Variants in MAPK10 observed in about 807,000 individuals in gnomAD.
MAPK10 encodes the protein JNK3 alpha protein kinase.
MAPK10 carries 25 observed loss-of-function variants against 59.3 expected under a neutral mutation model. The observed-to-expected ratio is 0.42, with a 90% CI of 0.31 to 0.59. MAPK10 has a LOEUF of 0.59. Among genes scored for constraint, MAPK10 ranks in the 20% least tolerant of loss-of-function variants. The pLI is 0.15. For synonymous variants in MAPK10, 190 were observed against 200.5 expected, an observed-to-expected ratio of 0.95 and a Z score of 0.44; for missense variants, 351 against 568.9, an observed-to-expected ratio of 0.62 and a Z score of 3.90.
chr4:86,221,747 C>A (rs2089670133), intron 2 of MAPK10, among the ~76,000 whole-genome samples: 1 of 152,170 alleles, frequency 6.6e-6, no homozygotes, highest in African/African-American at 2.4e-5. Flanking sequence ...AAGGGACCCA[C>A]CCACCTCGGC....
At chr4:86,436,822 G>A (rs1025038099) in intron 1 of MAPK10, among the ~76,000 whole-genome samples, 1 of 151,910 alleles carries the variant, frequency 6.6e-6, no homozygotes, top group Non-Finnish European at 1.5e-5. Flanking sequence ...CCCTGGTAGG[G>A]ACCTCACATA....
At chr4:86,142,637 C>T (rs2063894413) in intron 4 of MAPK10, among the ~76,000 whole-genome samples, 1 of 152,154 alleles carries the variant, frequency 6.6e-6, no homozygotes, top group South Asian at 2.1e-4. Flanking sequence ...TATAATGCAG[C>T]TGGCTGGGAC....
chr4:86,103,033 C>A (rs2055786234), intron 6 of MAPK10, 153 bp downstream of exon 6: 1 of 565,108 alleles, frequency 1.8e-6, no homozygotes, highest in Admixed American at 2.8e-5. Context: ...TCATTTGACC[C>A]CACCTCTTAC....
chr4:86,329,856 T>C (rs1020597337), intron 2 of MAPK10, among the ~76,000 whole-genome samples: 6 of 152,202 alleles, frequency 3.9e-5, no homozygotes, highest in Non-Finnish European at 8.8e-5. Context: ...TATTTTCAAA[T>C]GCTAATTTGA....
intron 4 of MAPK10, among the ~76,000 whole-genome samples, chr4:86,123,503 GTGA>G (rs1385667349): frequency 6.6e-6 from 1 of 151,912 alleles, no homozygotes; most frequent in African/African-American, 2.4e-5. Context: ...TATTAATCAC[GTGA>G]AGATTTTTTC....
chr4:86,243,006 C>CA (rs1478981712), intron 2 of MAPK10, among the ~76,000 whole-genome samples: 1 of 152,204 alleles, frequency 6.6e-6, no homozygotes, highest in Non-Finnish European at 1.5e-5. Context: ...GGGAAAAGCA[C>CA]AGTTTTCCCA....
At chr4:86,093,022 T>C (rs1477129510) in intron 9 of MAPK10, among the ~76,000 whole-genome samples, 1 of 152,002 alleles carries the variant, frequency 6.6e-6, no homozygotes, top group Admixed American at 6.6e-5. Context: ...CCTCTGAAAA[T>C]CTCATGTCAC....
At chr4:86,562,718 C>T (rs1379221188) in intron 1 of MAPK10, among the ~76,000 whole-genome samples, 1 of 151,728 alleles carries the variant, frequency 6.6e-6, no homozygotes, top group East Asian at 1.9e-4. Flanking sequence ...TAAAAAAAAA[C>T]AACTTTACCT....
chr4:86,359,288 C>CTCTCTCTCTCTCTCTCTCTCTG (rs796310826), intron 1 of MAPK10, among the ~76,000 whole-genome samples: 7 of 94,634 alleles, frequency 7.4e-5, no homozygotes, highest in African/African-American at 1.6e-4. Context: ...CTCTCTCTCT[C>CTCTCTCTCTCTCTCTCTCTCTG]TGTGTGTGTG....
chr4:86,547,848 A>C (rs1419694172), intron 1 of MAPK10, among the ~76,000 whole-genome samples: 1 of 152,216 alleles, frequency 6.6e-6, no homozygotes, highest in African/African-American at 2.4e-5. Context: ...TGAATGCACC[A>C]ATCGACACTC....
intron 2 of MAPK10, among the ~76,000 whole-genome samples, chr4:86,274,440 G>A (rs1480776891): frequency 1.3e-5 from 2 of 151,820 alleles, no homozygotes; most frequent in South Asian, 2.1e-4. Flanking sequence ...GAGATCTAAT[G>A]TATAATCTTT....
chr4:86,031,268 C>A, intron 12 of MAPK10, 100 bp downstream of exon 12: 1 of 834,662 alleles, frequency 1.2e-6, no homozygotes, highest in Non-Finnish European at 2.0e-6. Context: ...TAGCAGTCAG[C>A]AAATCATTTT....
At chr4:86,090,682 A>G (rs1359113385) in intron 9 of MAPK10, 1 of 152,184 alleles carries the variant, frequency 6.6e-6, no homozygotes, top group African/African-American at 2.4e-5. Flanking sequence ...TTTAAATTCC[A>G]AGTATTCCTA....
chr4:86,568,516 T>C (rs1195130514), intron 1 of MAPK10, among the ~76,000 whole-genome samples: 1 of 151,860 alleles, frequency 6.6e-6, no homozygotes, highest in African/African-American at 2.4e-5. Context: ...AAGCTGGAGG[T>C]ATTACATCAC....
At chr4:86,078,474 G>T (rs2049957461) in intron 9 of MAPK10, among the ~76,000 whole-genome samples, 1 of 152,076 alleles carries the variant, frequency 6.6e-6, no homozygotes, top group Non-Finnish European at 1.5e-5. Context: ...AACTGAAATT[G>T]TATGCTGCTA....
chr4:86,169,495 A>C (rs999087572), intron 3 of MAPK10, among the ~76,000 whole-genome samples: 3 of 152,180 alleles, frequency 2.0e-5, no homozygotes, highest in Non-Finnish European at 2.9e-5. Flanking sequence ...GAAATGAAGC[A>C]AGAAGGGAAG....
intron 2 of MAPK10, among the ~76,000 whole-genome samples, chr4:86,249,073 C>T (rs2093277025): frequency 6.6e-6 from 1 of 152,106 alleles, no homozygotes; most frequent in Non-Finnish European, 1.5e-5. Flanking sequence ...CAAGTAAATT[C>T]CCTTGGCCAT....
chr4:86,368,204 A>G (rs1738214167), intron 1 of MAPK10, among the ~76,000 whole-genome samples: 1 of 152,158 alleles, frequency 6.6e-6, no homozygotes, highest in Admixed American at 6.5e-5. Context: ...TTTAACTAAT[A>G]GACTTTATTT....
chr4:86,273,435 C>G (rs983363688), intron 2 of MAPK10, among the ~76,000 whole-genome samples: 6 of 151,948 alleles, frequency 3.9e-5, no homozygotes, highest in Non-Finnish European at 8.8e-5. Context: ...TGGATATGAA[C>G]TAGCTCATGG....
Sources: gnomAD v4.1 joint callset for allele counts (sites outside exome capture counted in the v4.1 genomes callset) on GRCh38, gnomAD v4.1.1 for gene constraint, MANE v1.5 for transcripts, NCBI Gene and HGNC (gene_info 2026-07-23, HGNC 2026-07-21) for gene names.